Variants in GRIA4 observed in about 807,000 individuals in gnomAD.
The protein encoded by GRIA4 is glutamate ionotropic receptor AMPA type subunit 4.
In GRIA4, 34 loss-of-function variants were observed where a neutral mutation model predicts 104.0. The ratio of observed to expected loss-of-function variants is 0.33; its 90% CI spans 0.25 to 0.44. The LOEUF is 0.44. Ranked by LOEUF, GRIA4 falls within the 20% of genes least tolerant of loss-of-function variation. The pLI is 1.00. For missense variants in GRIA4, 750 were observed against 1,096.5 expected, an observed-to-expected ratio of 0.68 and a Z score of 4.46; for synonymous variants, 386 against 381.9, an observed-to-expected ratio of 1.01 and a Z score of -0.13.
At chr11:105,619,640 T>C (rs906791691) in intron 3 of GRIA4, among the ~76,000 whole-genome samples, 1 of 151,928 alleles carries the variant, frequency 6.6e-6, no homozygotes, top group African/African-American at 2.4e-5. Context: ...GTTTCACTGA[T>C]AGATTAAAGG....
intron 3 of GRIA4, among the ~76,000 whole-genome samples, chr11:105,624,081 A>T (rs1950823548): frequency 6.6e-6 from 1 of 152,114 alleles, no homozygotes; most frequent in African/African-American, 2.4e-5. Context: ...GATCCAAAAT[A>T]AATATTACAT....
intron 14 of GRIA4, among the ~76,000 whole-genome samples, chr11:105,956,518 T>G (rs1177092729): frequency 6.6e-6 from 1 of 152,190 alleles, no homozygotes; most frequent in Non-Finnish European, 1.5e-5. Flanking sequence ...TGATGGACAT[T>G]TGGGTTGGTT....
At chr11:105,937,644 T>A (rs1591465904) in intron 14 of GRIA4, among the ~76,000 whole-genome samples, 1 of 152,102 alleles carries the variant, frequency 6.6e-6, no homozygotes, top group South Asian at 2.1e-4. Flanking sequence ...TGAAGCCAAG[T>A]TAAAAACTCT....
At chr11:105,915,498 T>G (rs913225649) in intron 10 of GRIA4, among the ~76,000 whole-genome samples, 6 of 152,214 alleles carry the variant, frequency 3.9e-5, no homozygotes, top group Admixed American at 1.3e-4. Flanking sequence ...TAATATTTAC[T>G]TTCCTTTAGA....
chr11:105,700,501 G>A (rs1384897292), intron 3 of GRIA4, among the ~76,000 whole-genome samples: 2 of 152,124 alleles, frequency 1.3e-5, no homozygotes, highest in Non-Finnish European at 2.9e-5. Flanking sequence ...AATCCCATGT[G>A]ACAACTAGGC....
rs551557563 is a variant in GRIA4, at chr11:105,980,892, C to T, written c.*1153C>T. 7.9e-5 allele frequency: 12 copies of T among 152,578 alleles called. No individual in the cohort carries two copies. Among genetic ancestry groups the T allele is most frequent in the Non-Finnish European group, 1.3e-4 (9 of 68,034 alleles). 9.5% of individuals were successfully genotyped at this position (152,578 alleles called of 1,614,324 possible). ...TTGACTCATTAACAGATTAAACTGT[C>T]AAAGATGGAGTCTTTGAGTTGGGGA... On this transcript the variant is annotated 3_prime_UTR_variant, in exon 17 of 17. Transcript: ENST00000282499.
At chr11:105,887,779 A>G (rs1030636801) in intron 6 of GRIA4, among the ~76,000 whole-genome samples, 3 of 152,196 alleles carry the variant, frequency 2.0e-5, no homozygotes, top group African/African-American at 7.2e-5. Flanking sequence ...TCTGCTAAAG[A>G]GACCTTTAAA....
intron 4 of GRIA4, among the ~76,000 whole-genome samples, chr11:105,824,001 A>T (rs1011024613): frequency 6.6e-6 from 1 of 152,124 alleles, no homozygotes; most frequent in Admixed American, 6.6e-5. Flanking sequence ...AGGAGAGACC[A>T]TGTGAGGATG....
At chr11:105,695,319 T>A (rs1953230931) in intron 3 of GRIA4, among the ~76,000 whole-genome samples, 1 of 152,148 alleles carries the variant, frequency 6.6e-6, no homozygotes, top group African/African-American at 2.4e-5. Flanking sequence ...CTGATTCTCT[T>A]CCCTGTGGTG....
chr11:105,751,222 A>G (rs1420796174), intron 3 of GRIA4, among the ~76,000 whole-genome samples: 1 of 152,150 alleles, frequency 6.6e-6, no homozygotes, highest in Admixed American at 6.6e-5. Context: ...AAAGCTTGAG[A>G]GTTGGCCCTC....
intron 3 of GRIA4, among the ~76,000 whole-genome samples, chr11:105,634,387 AGAAGGAAGGAAG>A (rs539258523): frequency 2.7e-5 from 4 of 148,696 alleles, no homozygotes; most frequent in African/African-American, 5.0e-5. Context: ...AAAGAAGGAA[AGAAGGAAGGAAG>A]GAAGGAGAAA....
chr11:105,763,812 G>C (rs1940793819), intron 4 of GRIA4, among the ~76,000 whole-genome samples: 1 of 152,190 alleles, frequency 6.6e-6, no homozygotes, highest in Non-Finnish European at 1.5e-5. Flanking sequence ...CTTTCCAGAT[G>C]ATACCCTGCC....
At chr11:105,612,200 AT>A in intron 2 of GRIA4, 75 bp from the exon 3 acceptor site, 1 of 1,358,054 alleles carries the variant, frequency 7.4e-7, no homozygotes. Context: ...ATGGCAGTAG[AT>A]TTGACTGTGC....
intron 4 of GRIA4, among the ~76,000 whole-genome samples, chr11:105,809,761 T>C (rs1461445149): frequency 6.6e-6 from 1 of 152,118 alleles, no homozygotes; most frequent in Non-Finnish European, 1.5e-5. Flanking sequence ...CTCTTTCCTT[T>C]ATAAATTACC....
rs3060323 is a variant in GRIA4 at position 105,948,595 on chromosome 11, G to GTT, written c.2294+14645_2294+14646dup. ...CTTTCTTTTCTTTTCTTTTCTTTTT[G>GTT]TTTTTTTTTTTTTTTTTTTTGAGAT... On this transcript the variant is annotated intron_variant, in intron 14 of 16. Transcript: ENST00000282499. Among the ~76,000 whole-genome samples the GTT allele has an allele frequency of 1.4e-3, 125 of 87,884 alleles. 2 individuals carry two copies. Among genetic ancestry groups the GTT allele is most frequent in the Non-Finnish European group, 1.9e-3 (89 of 47,364 alleles). 57.7% of individuals were successfully genotyped at this position (87,884 alleles called of 152,430 possible). A position where few individuals can be genotyped will look rare whatever the true frequency, so the allele number is the denominator to read the frequency against.
At chr11:105,710,053 T>C (rs185194582) in intron 3 of GRIA4, among the ~76,000 whole-genome samples, 49 of 152,284 alleles carry the variant, frequency 3.2e-4, no homozygotes, top group Non-Finnish European at 5.7e-4. Context: ...ATCCCAAGCA[T>C]GTAGCATATC....
Position 105,611,059 on chromosome 11 carries a change from G to A in GRIA4, c.62G>A (p.Gly21Glu). Residue 21 changes from glycine to glutamate, a missense_variant, in exon 2 of 17, where the codon GGA (glycine) becomes GAA (glutamate). Gly to Glu is a moderately conservative substitution (Grantham distance 98). This residue lies in a region of GRIA4 where 410 missense variants were observed against 502.7 expected (regional missense o/e 0.82). Coordinates refer to ENST00000282499, the MANE Select transcript of GRIA4 (RefSeq NM_000829.4). ...TCTGGATTTTGGGGACTCGCCATGG[G>A]AGCCTTTCCGAGCAGCGTGCAAATA... The part of the protein sequence containing the change: ...LFSGFWGLAM[G>E]AFPSSVQIGG... The A allele has an allele frequency of 6.2e-7, 1 of 1,613,398 alleles. No homozygotes were observed. The highest frequency in any genetic ancestry group is 8.5e-7 in the Non-Finnish European group (1 of 1,179,498).
At chr11:105,666,622 T>G (rs766605894) in intron 3 of GRIA4, among the ~76,000 whole-genome samples, 14 of 152,038 alleles carry the variant, frequency 9.2e-5, no homozygotes, top group Non-Finnish European at 1.8e-4. Flanking sequence ...TTACTAAATA[T>G]AATTCCTTAA....
chr11:105,748,558 T>A (rs1939807473), intron 3 of GRIA4, among the ~76,000 whole-genome samples: 1 of 152,094 alleles, frequency 6.6e-6, no homozygotes, highest in Non-Finnish European at 1.5e-5. Context: ...AATTTTTTTG[T>A]ATTTTTATTA....
Sources: allele counts gnomAD v4.1 joint callset (sites outside exome capture counted in the v4.1 genomes callset), GRCh38; gene constraint gnomAD v4.1.1; regional missense constraint gnomAD v4.1.1; transcripts MANE v1.5; gene names NCBI Gene and HGNC (gene_info 2026-07-23, HGNC 2026-07-21).